The following ADAMTSL1 variants were observed in gnomAD, a reference collection of about 807,000 sequenced individuals.
ADAMTSL1 encodes the protein ADAMTS-like protein 1.
ADAMTSL1 carries 126 observed loss-of-function variants against 201.8 expected under a neutral mutation model. The ratio of observed to expected loss-of-function variants is 0.62; its 90% CI spans 0.54 to 0.72. The LOEUF (loss-of-function observed/expected upper bound fraction) is 0.72, where lower values mean the gene tolerates loss of function less well. Ranked by LOEUF, ADAMTSL1 falls within the 30% of genes least tolerant of loss-of-function variation. The pLI, the probability that ADAMTSL1 is intolerant of heterozygous loss-of-function variation, is 0.00. For synonymous variants in ADAMTSL1, 1,121 were observed against 903.4 expected (o/e 1.24, Z -4.32); for missense variants, 2,679 against 2,277.8 (o/e 1.18, Z -3.59).
In ADAMTSL1 at chr9:18,356,094, C is replaced by T. The variant is rs115368170; in HGVS notation, c.208-148735C>T. ...ACTGACAATCTAAGAGTGAGCAAGGCGGGTAGTTTTACTGAGTGATTAAAA... is the reference window on the plus strand; with the variant it reads ...ACTGACAATCTAAGAGTGAGCAAGGTGGGTAGTTTTACTGAGTGATTAAAA... On this transcript the variant is annotated intron_variant, in intron 2 of 29. Coordinates refer to the ADAMTSL1 transcript ENST00000680146. Among the ~76,000 whole-genome samples, 849 of 152,264 alleles carry T rather than the reference C, an allele frequency of 5.6e-3. 8 individuals carry two copies. The highest frequency in any genetic ancestry group is 0.019 in the African/African-American group (779 of 41,550).
chr9:18,815,906 T>G (rs1168572424), intron 20 of ADAMTSL1, among the ~76,000 whole-genome samples: 2 of 152,136 alleles, frequency 1.3e-5, no homozygotes, highest in African/African-American at 4.8e-5. Context: ...TGGGGAACAG[T>G]GTGATTTTTT....
At chr9:18,445,232 A>G (rs1820145717) in intron 2 of ADAMTSL1, among the ~76,000 whole-genome samples, 2 of 152,200 alleles carry the variant, frequency 1.3e-5, no homozygotes, top group Non-Finnish European at 2.9e-5. Context: ...CTAAAAGTAC[A>G]GCCTTTGATT....
Position 18,447,919 on chromosome 9 carries a change from G to A in ADAMTSL1, c.208-56910G>A, listed in dbSNP as rs144241225. 7.5e-3 allele frequency among the ~76,000 whole-genome samples: 1,147 copies of A among 152,310 alleles called. 22 individuals carry two copies. The highest frequency in any genetic ancestry group is 0.074 in the South Asian group (358 of 4,828). On this transcript the variant is annotated intron_variant, in intron 2 of 29. Transcript: ENST00000680146. ...ATGGTTGTGCATTTGTGGGATGTGA[G>A]CAATTTGGTTTGGTTTATGGGTTTC...
At chr9:18,372,600 T>C (rs576507569) in intron 2 of ADAMTSL1, among the ~76,000 whole-genome samples, 1 of 152,278 alleles carries the variant, frequency 6.6e-6, no homozygotes, top group South Asian at 2.1e-4. Context: ...AATTCCAAAT[T>C]TCACAAGTCT....
At chr9:17,959,804 C>G (rs541036876) in intron 1 of ADAMTSL1, among the ~76,000 whole-genome samples, 4 of 152,074 alleles carry the variant, frequency 2.6e-5, no homozygotes, top group African/African-American at 9.7e-5. Context: ...TACCCTGACC[C>G]CTGCATTGTG....
chr9:18,068,571 C>A (rs539349249), intron 1 of ADAMTSL1, among the ~76,000 whole-genome samples: 1 of 152,142 alleles, frequency 6.6e-6, no homozygotes, highest in African/African-American at 2.4e-5. Flanking sequence ...ATGGTAAACC[C>A]CACAAGGAAA....
At chr9:18,168,022 G>C (rs1013887284) in intron 2 of ADAMTSL1, among the ~76,000 whole-genome samples, 1 of 151,896 alleles carries the variant, frequency 6.6e-6, no homozygotes, top group African/African-American at 2.4e-5. Flanking sequence ...AGAGAAGAAT[G>C]AACTAACATT....
chr9:18,701,462 C>T (rs879272926), intron 13 of ADAMTSL1, among the ~76,000 whole-genome samples: 10 of 152,238 alleles, frequency 6.6e-5, no homozygotes, highest in South Asian at 4.1e-4. Context: ...TCAGGCGATC[C>T]GCCCACCTCA....
In ADAMTSL1 at chr9:18,011,623, G is replaced by A. The variant is rs573939633; in HGVS notation, c.87+104701G>A. On this transcript the variant is annotated intron_variant, in intron 1 of 29. Coordinates refer to the ADAMTSL1 transcript ENST00000680146. ...GCCTGCCACAGTCCAGGACCCAGCC[G>A]TAGCTGTCAAATAGAGAATATCACA... Among the ~76,000 whole-genome samples the A allele has an allele frequency of 9.2e-5, 14 of 152,136 alleles. No homozygotes were observed. The East Asian group carries it at 9.7e-4, about 11-fold the overall frequency.
At chr9:18,348,220 T>G (rs12003497) in intron 2 of ADAMTSL1, among the ~76,000 whole-genome samples, 3,519 of 152,252 alleles carry the variant, frequency 0.023, 97 homozygotes, top group African/African-American at 0.067. Flanking sequence ...TTAACTTGGA[T>G]GGTTAAAACA....
chr9:18,031,338 T>C (rs966426160), intron 1 of ADAMTSL1, among the ~76,000 whole-genome samples: 1 of 152,170 alleles, frequency 6.6e-6, no homozygotes, highest in Non-Finnish European at 1.5e-5. Flanking sequence ...TATTCTTTTT[T>C]TCCTTTGAAG....
At chr9:18,330,241 C>T (rs1050802233) in intron 2 of ADAMTSL1, among the ~76,000 whole-genome samples, 2 of 152,100 alleles carry the variant, frequency 1.3e-5, no homozygotes, top group Non-Finnish European at 2.9e-5. Flanking sequence ...CTTCAATAAA[C>T]GCTGCCTATT....
In ADAMTSL1 at chr9:18,291,745, TCTCACACACA is replaced by T. The variant is rs1281915227; in HGVS notation, c.207+127766_207+127775del. On this transcript the variant is annotated intron_variant, in intron 2 of 29. Transcript: ENST00000680146. ...CTCTCTCTCTCTCTCTCTCTCTCTC[TCTCACACACA>T]CACACACACACACACACACACACAT... Among the ~76,000 whole-genome samples, 335 of 111,078 alleles carry T rather than the reference TCTCACACACA, an allele frequency of 3.0e-3. 4 individuals are homozygous for T. Among genetic ancestry groups the T allele is most frequent in the African/African-American group, 0.011 (319 of 28,526 alleles). The allele number at this position is 111,078 out of a possible 152,430, so 72.9% of individuals were successfully genotyped here.
intron 1 of ADAMTSL1, among the ~76,000 whole-genome samples, chr9:17,999,685 T>C (rs1283578717): frequency 6.6e-6 from 1 of 151,016 alleles, no homozygotes; most frequent in Non-Finnish European, 1.5e-5. Context: ...ACATGTGCCA[T>C]GCTGGTGCGC....
Position 18,905,853 on chromosome 9 carries a change from C to T in ADAMTSL1, c.4923C>T (p.Gly1641=). The change falls in exon 27 of 29, where the codon GGC becomes GGT. Residue 1641 remains glycine (G), a synonymous_variant. Transcript: ENST00000380548. ...HRQVFCQTRD[G]ITLPSEQCSA... ...AAGTCTTCTGCCAGACACGGGATGG[C>T]ATCACCTTACCATCAGAGCAGTGCA... is the stretch of plus-strand genomic sequence containing the variant. 5 of 1,613,414 alleles carry T rather than the reference C, an allele frequency of 3.1e-6. No homozygotes were observed. The highest frequency in any genetic ancestry group is 4.2e-6 in the Non-Finnish European group (5 of 1,179,692).
intron 1 of ADAMTSL1, among the ~76,000 whole-genome samples, chr9:18,095,651 T>C (rs1000686247): frequency 4.6e-5 from 7 of 152,106 alleles, no homozygotes; most frequent in Non-Finnish European, 7.4e-5. Flanking sequence ...CTCAAACTCC[T>C]TACCTCAGGT....
At chr9:18,225,456 T>C (rs1830405435) in intron 2 of ADAMTSL1, among the ~76,000 whole-genome samples, 2 of 152,318 alleles carry the variant, frequency 1.3e-5, no homozygotes, top group Admixed American at 1.3e-4. Context: ...GTAAGGATTT[T>C]TAAAACTTGG....
intron 1 of ADAMTSL1, among the ~76,000 whole-genome samples, chr9:17,969,961 A>T (rs937631638): frequency 6.6e-6 from 1 of 152,102 alleles, no homozygotes; most frequent in African/African-American, 2.4e-5. Context: ...CATAAAATAA[A>T]AGTTGAGGAT....
intron 26 of ADAMTSL1, among the ~76,000 whole-genome samples, chr9:18,904,879 C>CA (rs1830215837): frequency 6.6e-6 from 1 of 151,820 alleles, no homozygotes; most frequent in East Asian, 1.9e-4. Flanking sequence ...TACCTTAAAT[C>CA]CTGCTCTTTC....
Sources: allele counts gnomAD v4.1 joint callset (sites outside exome capture counted in the v4.1 genomes callset), GRCh38; gene constraint gnomAD v4.1.1; transcripts MANE v1.5; gene names NCBI Gene and HGNC (gene_info 2026-07-23, HGNC 2026-07-21).